ZNF501: variants seen among roughly 807,000 people sequenced by gnomAD.
The protein encoded by ZNF501 is zinc finger protein 52.
Under a neutral mutation model 5.7 loss-of-function variants are expected in ZNF501, and 7 were observed. That is an observed-to-expected ratio of 1.24 (90% CI 0.70 to 2.32). The LOEUF (loss-of-function observed/expected upper bound fraction) is 2.32, where lower values mean the gene tolerates loss of function less well. Ranked by LOEUF, ZNF501 falls within the 30% of genes most tolerant of loss-of-function variation. ZNF501 has a pLI of 0.00. For missense variants in ZNF501, 352 were observed against 321.1 expected, an observed-to-expected ratio of 1.10 and a Z score of -0.73; for synonymous variants, 107 against 101.9, an observed-to-expected ratio of 1.05 and a Z score of -0.30.
In ZNF501 at chr3:44,734,308, A is replaced by ATG; in HGVS notation, c.-107_-106dup. On this transcript the variant is annotated 5_prime_UTR_variant, in exon 3 of 3. It introduces an in-frame stop codon into an upstream open reading frame of the 5' UTR. Coordinates refer to ENST00000620116, the MANE Select transcript of ZNF501 (RefSeq NM_001258280.2). The stretch of plus-strand genomic sequence containing the variant: ...ATGAGAGGACAGCAATGCATGTGTG[A>ATG]TGTGTGTGAGCACACACACACAGTA... 1.2e-6 allele frequency: 1 copy of ATG among 809,930 alleles called. No homozygotes were observed. Among genetic ancestry groups the ATG allele is most frequent in the South Asian group, 1.8e-5 (1 of 54,924 alleles). The allele number at this position is 809,930 out of a possible 1,614,324, so 50.2% of individuals were successfully genotyped here.
chr3:44,733,877 C>T (rs1014855082), intron 2 of ZNF501, among the ~76,000 whole-genome samples: 1 of 152,174 alleles, frequency 6.6e-6, no homozygotes, highest in Non-Finnish European at 1.5e-5. Context: ...CAGCCTGGAT[C>T]ACATTTGAAG....
rs201277677 is a variant in ZNF501, at chr3:44,735,234, G to A, written c.813G>A (p.Glu271=). 255 of 1,541,638 alleles carry A rather than the reference G, an allele frequency of 1.7e-4. No homozygotes were observed. Among genetic ancestry groups the A allele is most frequent in the South Asian group, 3.0e-4 (24 of 78,988 alleles). Reference sequence around the variant, plus strand: ...GACATCAGAGGCTTCATGCTGGAGAGTAAAATTTGGAATATAATGAGTATG... The same window carrying A: ...GACATCAGAGGCTTCATGCTGGAGAATAAAATTTGGAATATAATGAGTATG... ...LLRHQRLHAG[E] is the part of the protein sequence containing the mutation. The change falls in exon 3 of 3, where the codon GAG becomes GAA. Residue 271 remains glutamate (E), a synonymous_variant. Coordinates refer to ENST00000620116, the MANE Select transcript of ZNF501 (RefSeq NM_001258280.2).
chr3:44,734,492 G>A lies in ZNF501; in HGVS notation c.71G>A (p.Cys24Tyr), dbSNP rs1221939544. 5.6e-6 allele frequency: 9 copies of A among 1,614,078 alleles called. No homozygotes were observed. The highest frequency in any genetic ancestry group is 3.3e-5 in the Admixed American group (2 of 60,008). The stretch of plus-strand genomic sequence containing the variant: ...AACATGCAGAAGAAACCTTCAAAGT[G>A]TAGTGAATGTGGGAAGTTCTTTACT... ...RVNMQKKPSK[C>Y]SECGKFFTQR... Residue 24 changes from cysteine (C) to tyrosine (Y), a missense_variant, in exon 3 of 3, where the codon TGT becomes TAT. Cys to Tyr is a radical substitution (Grantham distance 194, BLOSUM62 -2). Coordinates refer to ENST00000620116, the MANE Select transcript of ZNF501 (RefSeq NM_001258280.2).
intron 2 of ZNF501, chr3:44,732,397 G>T (rs183629464): frequency 1.7e-3 from 256 of 152,318 alleles, no homozygotes; most frequent in African/African-American, 5.9e-3. Context: ...AATGTGCTTA[G>T]AGTTTTGGTT....
intron 2 of ZNF501, among the ~76,000 whole-genome samples, chr3:44,733,728 C>T (rs1704650608): frequency 6.6e-6 from 1 of 152,170 alleles, no homozygotes; most frequent in Non-Finnish European, 1.5e-5. Context: ...CTCTAGTTTT[C>T]AAACCTATAG....
In ZNF501 at chr3:44,735,221, T is replaced by C. The variant is rs138255914; in HGVS notation, c.800T>C (p.Leu267Pro). Residue 267 changes from leucine to proline, a missense_variant, in exon 3 of 3, where the codon CTT (leucine) becomes CCT (proline). By Grantham distance (98) the Leu-to-Pro change is moderately conservative (BLOSUM62 -3). Coordinates refer to ENST00000620116, the MANE Select transcript of ZNF501 (RefSeq NM_001258280.2). ...HSSALLRHQR[L>P]HAGE ...TCAGCACTTCTTCGACATCAGAGGC[T>C]TCATGCTGGAGAGTAAAATTTGGAA... is the stretch of plus-strand genomic sequence containing the variant. 99 of 1,568,834 alleles carry C rather than the reference T, an allele frequency of 6.3e-5. No individual in the cohort carries two copies. The highest frequency in any genetic ancestry group is 5.1e-4 in the Middle Eastern group (3 of 5,836).
At position 44,729,800 on chromosome 3, in the gene ZNF501, TG is replaced by T. The variant is rs1318464094; in HGVS notation, c.-524del. 8 of 152,362 alleles carry T rather than the reference TG, an allele frequency of 5.3e-5. No individual in the cohort carries two copies. The East Asian group carries it at 1.5e-3, about 29-fold the overall frequency. 9.4% of individuals were successfully genotyped at this position (152,362 alleles called of 1,614,324 possible). A position where few individuals can be genotyped will look rare whatever the true frequency, so the allele number is the denominator to read the frequency against. ...TCGGGAAGCAGGGCGTTTTTCTTCC[TG>T]GAGGGCCTGTGGAGCGGAGGCCCGA... is the stretch of plus-strand genomic sequence containing the variant. On this transcript the variant is annotated 5_prime_UTR_variant, in exon 1 of 3. An upstream open reading frame in the 5' UTR loses its in-frame stop. Coordinates refer to ENST00000620116, the MANE Select transcript of ZNF501 (RefSeq NM_001258280.2).
chr3:44,734,226 G>A lies in ZNF501; in HGVS notation c.-196G>A. 1.8e-6 allele frequency: 1 copy of A among 546,852 alleles called. No homozygotes were observed. The highest frequency in any genetic ancestry group is 3.2e-6 in the Non-Finnish European group (1 of 310,030). The allele number at this position is 546,852 out of a possible 1,614,324, so 33.9% of individuals were successfully genotyped here. A position where few individuals can be genotyped will look rare whatever the true frequency, so the allele number is the denominator to read the frequency against. On this transcript the variant is annotated 5_prime_UTR_variant, in exon 3 of 3. Coordinates refer to ENST00000620116, the MANE Select transcript of ZNF501 (RefSeq NM_001258280.2). ...GCTGATCATCAGGGGTTCACTTTCA[G>A]AGAAGTTGAGAATGCAGGCTGAACA...
intron 2 of ZNF501, 81 bp downstream of exon 2, chr3:44,731,641 G>A (rs1001092306): frequency 1.3e-5 from 2 of 152,310 alleles, no homozygotes; most frequent in African/African-American, 4.8e-5. Flanking sequence ...CCTATGGTGG[G>A]ACCCACCAAT....
Position 44,734,964 on chromosome 3 carries a change from G to A in ZNF501, c.543G>A (p.Gln181=), listed in dbSNP as rs564544043. 1.9e-6 allele frequency: 3 copies of A among 1,614,130 alleles called. No homozygotes were observed. In the East Asian group the frequency reaches 6.7e-5, roughly 36 times the overall value. ...FNQSACLMQH[Q]RIHSGEKPYT... ...AGAGTGCATGTCTCATGCAGCATCAGAGAATTCATTCAGGAGAGAAGCCCT... is the reference window on the plus strand; with the variant it reads ...AGAGTGCATGTCTCATGCAGCATCAAAGAATTCATTCAGGAGAGAAGCCCT... The change falls in exon 3 of 3, where the codon CAG becomes CAA. Residue 181 remains glutamine, a synonymous_variant. Coordinates refer to ENST00000620116, the MANE Select transcript of ZNF501 (RefSeq NM_001258280.2).
rs767023875 is a variant in ZNF501 at position 44,734,927 on chromosome 3, A to G, written c.506A>G (p.Lys169Arg). ...DKPFKCNECG[K>R]AFNQSACLMQ... ...CCTTTTAAGTGTAATGAATGTGGGA[A>G]AGCCTTTAATCAGAGTGCATGTCTC... Residue 169 changes from lysine (K) to arginine (R), a missense_variant, in exon 3 of 3, where the codon AAA becomes AGA. Lys to Arg is a conservative substitution (Grantham distance 26, BLOSUM62 2). Transcript: ENST00000620116. 2.5e-6 allele frequency: 4 copies of G among 1,613,966 alleles called. No homozygotes were observed. The highest frequency in any genetic ancestry group is 1.7e-5 in the Admixed American group (1 of 60,010).
intron 2 of ZNF501, among the ~76,000 whole-genome samples, chr3:44,733,312 G>C (rs1395738955): frequency 6.6e-6 from 1 of 152,090 alleles, no homozygotes; most frequent in Admixed American, 6.6e-5. Flanking sequence ...ATTCTGTGTG[G>C]CTTATTTAGG....
intron 2 of ZNF501, among the ~76,000 whole-genome samples, chr3:44,732,826 C>G (rs574681130): frequency 1.3e-5 from 2 of 152,062 alleles, no homozygotes; most frequent in Admixed American, 1.3e-4. Context: ...ATTTTGTTAA[C>G]AAAAATTTTC....
chr3:44,734,408 G>T lies in ZNF501; in HGVS notation c.-14G>T, dbSNP rs573984970. The stretch of plus-strand genomic sequence containing the variant: ...AAAAAAACTTGTAAGTATGAATTTG[G>T]TGTTACAAGCAGCATGAATTCCAGC... On this transcript the variant is annotated 5_prime_UTR_variant, in exon 3 of 3. Transcript: ENST00000620116. The T allele has an allele frequency of 4.4e-6, 7 of 1,602,534 alleles. No individual in the cohort carries two copies. In the African/African-American group the frequency reaches 9.4e-5, roughly 22 times the overall value.
Position 44,729,947 on chromosome 3 carries a change from T to C in ZNF501, c.-379T>C, listed in dbSNP as rs1704583349. The C allele has an allele frequency of 6.6e-6, 1 of 152,272 alleles. No homozygotes were observed. The highest frequency in any genetic ancestry group is 2.4e-5 in the African/African-American group (1 of 41,470). The allele number at this position is 152,272 out of a possible 1,614,324, so 9.4% of individuals were successfully genotyped here. A position where few individuals can be genotyped will look rare whatever the true frequency, so the allele number is the denominator to read the frequency against. ...CATGTCAGTGAACTTCTGGGCACTT[T>C]AGTTTTCTGATTTCCAGAAGTAAAT... On this transcript the variant is annotated 5_prime_UTR_variant, in exon 1 of 3. It removes the in-frame stop codon of an upstream open reading frame in the 5' UTR. Coordinates refer to ENST00000620116, the MANE Select transcript of ZNF501 (RefSeq NM_001258280.2).
At chr3:44,733,274 C>T (rs551822067) in intron 2 of ZNF501, among the ~76,000 whole-genome samples, 24 of 152,294 alleles carry the variant, frequency 1.6e-4, no homozygotes, top group East Asian at 1.3e-3. Flanking sequence ...ATTGCTCTGA[C>T]GTGCAGCACC....
chr3:44,736,747 T>A lies in ZNF501; in HGVS notation c.*1510T>A, dbSNP rs184153620. 5.5e-4 allele frequency: 92 copies of A among 167,232 alleles called. 1 individual carries two copies. Among genetic ancestry groups the A allele is most frequent in the African/African-American group, 1.9e-3 (78 of 41,588 alleles). 10.4% of individuals were successfully genotyped at this position (167,232 alleles called of 1,614,324 possible). ...TCACCAATAATATATGAATTTAGCA[T>A]CTTTTCATATGTTTGCCATCTGTAT... On this transcript the variant is annotated 3_prime_UTR_variant, in exon 3 of 3. Transcript: ENST00000620116.
chr3:44,735,830 A>T lies in ZNF501; in HGVS notation c.*593A>T, dbSNP rs1704690686. On this transcript the variant is annotated 3_prime_UTR_variant, in exon 3 of 3. Coordinates refer to ENST00000620116, the MANE Select transcript of ZNF501 (RefSeq NM_001258280.2). ...CTGGATACCCTCAAGATCTTCATTT[A>T]AATTTTGATACTTTCTATTACTAGA... is the stretch of plus-strand genomic sequence containing the variant. 6.0e-6 allele frequency: 1 copy of T among 166,878 alleles called. No individual in the cohort carries two copies. The highest frequency in any genetic ancestry group is 1.9e-4 in the East Asian group (1 of 5,208). 10.3% of individuals were successfully genotyped at this position (166,878 alleles called of 1,614,324 possible). A position where few individuals can be genotyped will look rare whatever the true frequency, so the allele number is the denominator to read the frequency against.
rs909069335 is a variant in ZNF501, at chr3:44,735,368, C to T, written c.*131C>T. 6.1e-6 allele frequency: 5 copies of T among 826,328 alleles called. No individual in the cohort carries two copies. The East Asian group carries it at 1.3e-4, about 22-fold the overall frequency. The allele number at this position is 826,328 out of a possible 1,614,324, so 51.2% of individuals were successfully genotyped here. On this transcript the variant is annotated 3_prime_UTR_variant, in exon 3 of 3. Transcript: ENST00000620116. ...GTATTTTGAACAAGAAATGTTGTGT[C>T]CTAATGTGTCCTAGTCTGGAGTTTG... is the stretch of plus-strand genomic sequence containing the variant.
Sources: allele counts gnomAD v4.1 joint callset (sites outside exome capture counted in the v4.1 genomes callset), GRCh38; gene constraint gnomAD v4.1.1; transcripts MANE v1.5; gene names NCBI Gene and HGNC (gene_info 2026-07-23, HGNC 2026-07-21).